Variants in SLC4A7 observed in about 807,000 individuals in gnomAD.
SLC4A7 encodes the protein sodium bicarbonate cotransporter 3.
A neutral mutation model predicts 137.6 loss-of-function variants in SLC4A7; 51 were observed. That is an observed-to-expected ratio of 0.37 (90% CI 0.30 to 0.47). SLC4A7 has a LOEUF of 0.47. Ranked by LOEUF, SLC4A7 falls within the 20% of genes least tolerant of loss-of-function variation. The probability of loss-of-function intolerance (pLI) is 1.00; values close to 1 mark genes in which losing one functional copy is unlikely to be tolerated. For synonymous variants in SLC4A7, 542 were observed against 518.6 expected, an observed-to-expected ratio of 1.05 and a Z score of -0.61; for missense variants, 1,247 against 1,525.4, an observed-to-expected ratio of 0.82 and a Z score of 3.04.
At chr3:27,422,408 C>T (rs563613926) in intron 8 of SLC4A7, among the ~76,000 whole-genome samples, 1 of 152,080 alleles carries the variant, frequency 6.6e-6, no homozygotes, top group South Asian at 2.1e-4. Flanking sequence ...GCTGAGACTA[C>T]AGGCATGCGC....
At chr3:27,453,301 GAACA>G (rs1420628343) in intron 1 of SLC4A7, among the ~76,000 whole-genome samples, 4 of 152,102 alleles carry the variant, frequency 2.6e-5, no homozygotes, top group Non-Finnish European at 5.9e-5. Context: ...GCTAGAGAGA[GAACA>G]AATACCCTTC....
chr3:27,391,781 C>T lies in SLC4A7; in HGVS notation c.3145G>A (p.Val1049Ile), dbSNP rs924675941. ...KFIPMPVLYG[V>I]FLYMGVSSLK... ...GAGGAAACTCCCATATAAAGGAAAACACCATACAGAACAGGCATTGGAATA... is the reference window on the plus strand; with the variant it reads ...GAGGAAACTCCCATATAAAGGAAAATACCATACAGAACAGGCATTGGAATA... The change falls in exon 21 of 26, where the codon GTT becomes ATT. Residue 1049 changes from valine to isoleucine, a missense_variant. Around this residue, in one of 6 missense-constraint regions of SLC4A7, gnomAD observed 290 missense variants for 323.8 expected, o/e 0.90. Coordinates refer to ENST00000454389, the MANE Select transcript of SLC4A7 (RefSeq NM_001321103.2). The T allele has an allele frequency of 1.3e-6, 2 of 1,598,032 alleles. No homozygotes were observed. The highest frequency in any genetic ancestry group is 2.7e-5 in the African/African-American group (2 of 74,448).
intron 7 of SLC4A7, among the ~76,000 whole-genome samples, chr3:27,429,486 T>C (rs953387199): frequency 3.9e-5 from 6 of 152,120 alleles, no homozygotes; most frequent in African/African-American, 1.2e-4. Context: ...AGGCAGTCAG[T>C]CATTAGAGAA....
At chr3:27,465,013 C>A (rs1199933532) in intron 1 of SLC4A7, among the ~76,000 whole-genome samples, 1 of 152,076 alleles carries the variant, frequency 6.6e-6, no homozygotes, top group African/African-American at 2.4e-5. Context: ...TCTTTCCCGG[C>A]CGTGTGACAA....
chr3:27,398,183 C>CA lies in SLC4A7; in HGVS notation c.2589+8dup. 1 of 1,584,288 alleles carries CA rather than the reference C, an allele frequency of 6.3e-7. No individual in the cohort carries two copies. The highest frequency in any genetic ancestry group is 8.6e-7 in the Non-Finnish European group (1 of 1,165,652). On this transcript the variant is annotated intron_variant, in intron 17 of 25. Coordinates refer to ENST00000454389, the MANE Select transcript of SLC4A7 (RefSeq NM_001321103.2). ...TATTACCAGAATTCCAAAATTATAT[C>CA]ACAGTTACCTTGGTAGGAAAGTAAC...
chr3:27,434,056 A>G lies in SLC4A7; in HGVS notation c.638T>C (p.Ile213Thr). 1 of 1,613,706 alleles carries G rather than the reference A, an allele frequency of 6.2e-7. No individual in the cohort carries two copies. The highest frequency in any genetic ancestry group is 8.5e-7 in the Non-Finnish European group (1 of 1,179,782). Residue 213 changes from isoleucine (I) to threonine (T), a missense_variant, in exon 6 of 26, where the codon ATA becomes ACA. By Grantham distance (89) the Ile-to-Thr change is moderately conservative. Around this residue, in one of 6 missense-constraint regions of SLC4A7, gnomAD observed 223 missense variants for 203.6 expected, o/e 1.10. Coordinates refer to ENST00000454389, the MANE Select transcript of SLC4A7 (RefSeq NM_001321103.2). ...AAGAGCTTCTCTGACATTCTCTCGT[A>G]TGGACTCGTCTAATTGGCCAGAAGC... ...MIASGQLDESIRENVREALLK... is the reference protein window; with the variant it reads ...MIASGQLDESTRENVREALLK...
chr3:27,450,503 T>C (rs964122017), intron 2 of SLC4A7, among the ~76,000 whole-genome samples: 11 of 152,100 alleles, frequency 7.2e-5, no homozygotes, highest in African/African-American at 2.7e-4. Context: ...TGAAACTATT[T>C]CCTTCAAAAC....
In SLC4A7 at chr3:27,484,164, G is replaced by A; in HGVS notation, c.-38C>T. On this transcript the variant is annotated 5_prime_UTR_variant, in exon 1 of 26. Transcript: ENST00000454389. Reference sequence around the variant, plus strand: ...AGCCCGTGACGGCCGCTACGGTACTGCCCCGCGCGGTCTGCCTGCTTCTGC... The same window carrying A: ...AGCCCGTGACGGCCGCTACGGTACTACCCCGCGCGGTCTGCCTGCTTCTGC... The A allele has an allele frequency of 7.9e-7, 1 of 1,271,480 alleles. No homozygotes were observed. The highest frequency in any genetic ancestry group is 9.9e-7 in the Non-Finnish European group (1 of 1,008,214). The allele number at this position is 1,271,480 out of a possible 1,614,324, so 78.8% of individuals were successfully genotyped here. A position where few individuals can be genotyped will look rare whatever the true frequency, so the allele number is the denominator to read the frequency against.
chr3:27,483,308 C>G (rs2059793452), intron 1 of SLC4A7, among the ~76,000 whole-genome samples: 1 of 152,244 alleles, frequency 6.6e-6, no homozygotes, highest in South Asian at 2.1e-4. Flanking sequence ...ACCCTGAAAT[C>G]AAAGCCAGTC....
At position 27,403,402 on chromosome 3, in the gene SLC4A7, TATGA is replaced by T. The variant is rs2052986233; in HGVS notation, c.2076-22_2076-19del. 4.6e-6 allele frequency: 7 copies of T among 1,532,794 alleles called. No homozygotes were observed. Among genetic ancestry groups the T allele is most frequent in the Non-Finnish European group, 5.3e-6 (6 of 1,125,258 alleles). The allele number at this position is 1,532,794 out of a possible 1,614,324, so 94.9% of individuals were successfully genotyped here. A position where few individuals can be genotyped will look rare whatever the true frequency, so the allele number is the denominator to read the frequency against. On this transcript the variant is annotated intron_variant, in intron 14 of 25. Transcript: ENST00000454389. ...GATAATCTCTGTTTAGAAAGAAAAA[TATGA>T]ATATGATAAACATATGTGGAATAGT...
In SLC4A7 at chr3:27,391,802, G is replaced by A. The variant is rs1335350561; in HGVS notation, c.3124C>T (p.Pro1042Ser). The change falls in exon 21 of 26, where the codon CCA becomes TCA. Residue 1042 changes from proline (P) to serine (S), a missense_variant. Coordinates refer to ENST00000454389, the MANE Select transcript of SLC4A7 (RefSeq NM_001321103.2). ...VFMTSVLKFI[P>S]MPVLYGVFLY... ...AAAACACCATACAGAACAGGCATTGGAATAAACTGTAAATAAAATGAACAC... is the reference window on the plus strand; with the variant it reads ...AAAACACCATACAGAACAGGCATTGAAATAAACTGTAAATAAAATGAACAC... 1 of 1,582,508 alleles carries A rather than the reference G, an allele frequency of 6.3e-7. No individual in the cohort carries two copies. Among genetic ancestry groups the A allele is most frequent in the Admixed American group, 1.7e-5 (1 of 57,736 alleles).
chr3:27,457,851 T>G (rs1466925110), intron 1 of SLC4A7, among the ~76,000 whole-genome samples: 5 of 152,158 alleles, frequency 3.3e-5, no homozygotes, highest in South Asian at 2.1e-4. Context: ...TTTCCAAAAT[T>G]CTAAGTTTTG....
rs183319637 is a variant in SLC4A7 at position 27,372,822 on chromosome 3, T to C, written c.*3942A>G. The C allele has an allele frequency of 1.1e-3, 168 of 152,762 alleles. No individual in the cohort carries two copies. The highest frequency in any genetic ancestry group is 3.5e-3 in the Admixed American group (53 of 15,302). 9.5% of individuals were successfully genotyped at this position (152,762 alleles called of 1,614,324 possible). A position where few individuals can be genotyped will look rare whatever the true frequency, so the allele number is the denominator to read the frequency against. On this transcript the variant is annotated 3_prime_UTR_variant, in exon 26 of 26. Transcript: ENST00000454389. ...GAAACAAATTTGAAAGGCAGGATGATTCACAATATAGACCCAGTAGAGGCT... is the reference window on the plus strand; with the variant it reads ...GAAACAAATTTGAAAGGCAGGATGACTCACAATATAGACCCAGTAGAGGCT...
At chr3:27,450,414 A>C (rs1193472838) in intron 2 of SLC4A7, among the ~76,000 whole-genome samples, 1 of 152,178 alleles carries the variant, frequency 6.6e-6, no homozygotes, top group Admixed American at 6.5e-5. Context: ...GTGTAATTTA[A>C]ATGGTTAATT....
intron 21 of SLC4A7, 24 bp from the exon 22 acceptor site, chr3:27,390,128 G>A: frequency 7.1e-7 from 1 of 1,412,494 alleles, no homozygotes; most frequent in African/African-American, 1.4e-5. Context: ...AAAAAACAAA[G>A]AAGTTTTCAA....
At position 27,434,036 on chromosome 3, in the gene SLC4A7, C is replaced by T. The variant is rs2056532889; in HGVS notation, c.658G>A (p.Ala220Thr). The change falls in exon 6 of 26, where the codon GCT (alanine) becomes ACT (threonine). Residue 220 changes from alanine to threonine, a missense_variant. This residue lies in a region of SLC4A7 where 223 missense variants were observed against 203.6 expected (regional missense o/e 1.10). Coordinates refer to ENST00000454389, the MANE Select transcript of SLC4A7 (RefSeq NM_001321103.2). ...DESIRENVRE[A>T]LLKRHHHQNE... ...TGATGATGATGTCTCTTCAGAAGAG[C>T]TTCTCTGACATTCTCTCGTATGGAC... The T allele has an allele frequency of 6.2e-7, 1 of 1,613,552 alleles. No homozygotes were observed. Among genetic ancestry groups the T allele is most frequent in the African/African-American group, 1.3e-5 (1 of 74,866 alleles).
At chr3:27,470,793 T>A (rs1385305895) in intron 1 of SLC4A7, among the ~76,000 whole-genome samples, 3 of 151,912 alleles carry the variant, frequency 2.0e-5, no homozygotes, top group African/African-American at 7.3e-5. Flanking sequence ...ATACAAAAAA[T>A]TAGCTGGGCG....
chr3:27,450,496 A>T (rs1045539090), intron 2 of SLC4A7, among the ~76,000 whole-genome samples: 1 of 152,118 alleles, frequency 6.6e-6, no homozygotes. Context: ...ATTTTAATGA[A>T]ACTATTTCCT....
chr3:27,421,262 G>A (rs1245313906), intron 9 of SLC4A7, among the ~76,000 whole-genome samples: 1 of 151,974 alleles, frequency 6.6e-6, no homozygotes. Context: ...TACTTTGGGA[G>A]GCCAAGACAG....
Sources: gnomAD v4.1 joint callset for allele counts (sites outside exome capture counted in the v4.1 genomes callset) on GRCh38, gnomAD v4.1.1 for gene constraint, gnomAD v4.1.1 regional missense constraint, MANE v1.5 for transcripts, NCBI Gene and HGNC (gene_info 2026-07-23, HGNC 2026-07-21) for gene names.